The following PSD3 variants were observed in gnomAD, a reference collection of about 807,000 sequenced individuals.
PSD3 encodes the protein pleckstrin and Sec7 domain containing 3, also known as PH and SEC7 domain-containing protein 3.
A neutral mutation model predicts 105.5 loss-of-function variants in PSD3; 49 were observed. The ratio of observed to expected loss-of-function variants is 0.46; its 90% confidence interval spans 0.37 to 0.59. The LOEUF is 0.59. PSD3 is among the 20% of genes least tolerant of loss of function. The pLI is 0.00. For missense variants in PSD3, 1,561 were observed against 1,263.8 expected, an observed-to-expected ratio of 1.24 and a Z score of -3.57; for synonymous variants, 557 against 457.8, an observed-to-expected ratio of 1.22 and a Z score of -2.77.
At chr8:18,901,544 C>T (rs1196608155) in intron 2 of PSD3, among the ~76,000 whole-genome samples, 1 of 152,102 alleles carries the variant, frequency 6.6e-6, no homozygotes, top group Non-Finnish European at 1.5e-5. Context: ...CTTTTTCTAT[C>T]ATTGCAGTTT....
At chr8:18,704,117 C>T (rs1329854023) in intron 9 of PSD3, among the ~76,000 whole-genome samples, 1 of 152,198 alleles carries the variant, frequency 6.6e-6, no homozygotes, top group African/African-American at 2.4e-5. Flanking sequence ...ACATTTCTTT[C>T]CTCTCTTTAA....
chr8:18,650,766 C>T (rs1249064566), intron 10 of PSD3, among the ~76,000 whole-genome samples: 1 of 152,200 alleles, frequency 6.6e-6, no homozygotes, highest in Admixed American at 6.5e-5. Flanking sequence ...ATTCTATGAG[C>T]ATTTAATGAG....
chr8:19,082,928 C>T (rs986889683), intron 1 of PSD3, among the ~76,000 whole-genome samples: 4 of 152,176 alleles, frequency 2.6e-5, no homozygotes, highest in African/African-American at 9.7e-5. Context: ...AGCTTTCTCC[C>T]CGTTTCTTAA....
At chr8:18,676,390 C>G (rs1800066064) in intron 9 of PSD3, among the ~76,000 whole-genome samples, 1 of 152,028 alleles carries the variant, frequency 6.6e-6, no homozygotes, top group South Asian at 2.1e-4. Context: ...GTATTTCTTT[C>G]TTCTTCTCTT....
At chr8:18,883,828 T>C (rs570739001) in intron 2 of PSD3, among the ~76,000 whole-genome samples, 1 of 152,338 alleles carries the variant, frequency 6.6e-6, no homozygotes, top group Admixed American at 6.5e-5. Flanking sequence ...TTCAATCCTT[T>C]ATAAATTATG....
intron 1 of PSD3, among the ~76,000 whole-genome samples, chr8:18,998,901 C>T (rs1365601): frequency 0.7 from 106,148 of 151,600 alleles, 37,988 homozygotes; most frequent in East Asian, 0.91. Context: ...CAGAAAAAAA[C>T]GTTTTTGTTA....
At chr8:18,822,353 T>C (rs148854983) in intron 4 of PSD3, among the ~76,000 whole-genome samples, 1 of 152,272 alleles carries the variant, frequency 6.6e-6, no homozygotes, top group African/African-American at 2.4e-5. Context: ...AGGCATCACT[T>C]GACAGCAGAA....
chr8:18,590,317 G>T (rs778153438), intron 12 of PSD3, among the ~76,000 whole-genome samples: 11 of 152,004 alleles, frequency 7.2e-5, no homozygotes, highest in Non-Finnish European at 1.0e-4. Context: ...TCAGTACTGC[G>T]GATAGTAAAT....
chr8:18,580,816 T>G (rs148832795), intron 12 of PSD3, among the ~76,000 whole-genome samples: 79 of 152,318 alleles, frequency 5.2e-4, no homozygotes, highest in Admixed American at 5.2e-3. Flanking sequence ...ATAGAGATTC[T>G]TGAGAGCCTG....
At chr8:18,775,873 A>C (rs1215803382) in intron 8 of PSD3, among the ~76,000 whole-genome samples, 2 of 152,244 alleles carry the variant, frequency 1.3e-5, no homozygotes, top group African/African-American at 4.8e-5. Context: ...TGTTGCTCAT[A>C]ATTTAGAGGT....
chr8:18,896,301 C>G (rs965608733), intron 2 of PSD3, among the ~76,000 whole-genome samples: 1 of 152,214 alleles, frequency 6.6e-6, no homozygotes, highest in Non-Finnish European at 1.5e-5. Context: ...AGATCTTCAA[C>G]ATACTGATTT....
chr8:18,582,358 A>C (rs920284369), intron 12 of PSD3, among the ~76,000 whole-genome samples: 1 of 152,042 alleles, frequency 6.6e-6, no homozygotes, highest in East Asian at 1.9e-4. Flanking sequence ...GACAGGACAC[A>C]TTTCAAACAT....
At chr8:18,698,609 C>G (rs1801397357) in intron 9 of PSD3, among the ~76,000 whole-genome samples, 1 of 152,132 alleles carries the variant, frequency 6.6e-6, no homozygotes. Flanking sequence ...ACAGCCCTGC[C>G]AACCCATTTT....
intron 9 of PSD3, among the ~76,000 whole-genome samples, chr8:18,711,316 A>C (rs1802238131): frequency 6.6e-6 from 1 of 152,186 alleles, no homozygotes; most frequent in African/African-American, 2.4e-5. Flanking sequence ...AATGGGCTAA[A>C]TGCCTCAATT....
At chr8:18,594,139 T>TATTATATAATATATATTATTATATAC (rs1803832179) in intron 12 of PSD3, among the ~76,000 whole-genome samples, 1 of 30,824 alleles carries the variant, frequency 3.2e-5, no homozygotes, top group African/African-American at 8.7e-5. Flanking sequence ...ATATTATATA[T>TATTATATAATATATATTATTATATAC]ATATTATATA....
intron 2 of PSD3, among the ~76,000 whole-genome samples, chr8:18,876,954 GT>G (rs1222442042): frequency 6.6e-6 from 1 of 152,098 alleles, no homozygotes; most frequent in Non-Finnish European, 1.5e-5. Context: ...CTTGTCATGT[GT>G]TTTTTGGCCA....
rs1329614062 is a variant in PSD3, at chr8:18,532,734, T to A, written c.*3009A>T. ...TGCATCCCAGTAATTAAGTTTTGAT[T>A]GCTAATGAGGAATCCCAGACACCTC... On this transcript the variant is annotated 3_prime_UTR_variant, in exon 16 of 16. Coordinates refer to ENST00000327040, the MANE Select transcript of PSD3 (RefSeq NM_015310.4). 6.6e-6 allele frequency: 1 copy of A among 152,156 alleles called. No individual in the cohort carries two copies. Among genetic ancestry groups the A allele is most frequent in the Non-Finnish European group, 1.5e-5 (1 of 68,022 alleles). The allele number at this position is 152,156 out of a possible 1,614,324, so 9.4% of individuals were successfully genotyped here. A position where few individuals can be genotyped will look rare whatever the true frequency, so the allele number is the denominator to read the frequency against.
intron 9 of PSD3, among the ~76,000 whole-genome samples, chr8:18,706,910 A>G (rs1467119190): frequency 6.6e-6 from 1 of 152,200 alleles, no homozygotes; most frequent in East Asian, 1.9e-4. Flanking sequence ...TTAAATTAAT[A>G]AACTGGCATT....
chr8:18,809,697 G>T (rs1212279915), intron 4 of PSD3, among the ~76,000 whole-genome samples: 1 of 151,978 alleles, frequency 6.6e-6, no homozygotes, highest in African/African-American at 2.4e-5. Context: ...TCCAATAATG[G>T]TGTTCCATGA....
Sources: allele counts gnomAD v4.1 joint callset (sites outside exome capture counted in the v4.1 genomes callset), GRCh38; gene constraint gnomAD v4.1.1; transcripts MANE v1.5; gene names NCBI Gene and HGNC (gene_info 2026-07-23, HGNC 2026-07-21).